The following CFAP47 variants were observed in gnomAD, a reference collection of about 807,000 sequenced individuals.
The protein encoded by CFAP47 is cilia- and flagella-associated protein 47.
A neutral mutation model predicts 148.1 loss-of-function variants in CFAP47; 29 were observed. That is an observed-to-expected ratio of 0.20 (90% CI 0.15 to 0.27). The LOEUF (loss-of-function observed/expected upper bound fraction) is 0.27. Ranked by LOEUF, CFAP47 falls within the 10% of genes least tolerant of loss-of-function variation. CFAP47 has a pLI of 1.00. For synonymous variants in CFAP47, 664 were observed against 577.3 expected (o/e 1.15, Z -2.15); for missense variants, 1,872 against 1,697.5 (o/e 1.10, Z -1.81).
At chrX:36,052,844 A>G (rs1403800489) in intron 26 of CFAP47, among the ~76,000 whole-genome samples, 1 of 112,536 alleles carries the variant, frequency 8.9e-6, no homozygotes, top group Non-Finnish European at 1.9e-5. Flanking sequence ...ATAATTTGGC[A>G]TTTGGGTAGA....
chrX:36,102,472 A>AT (rs1569259391), intron 32 of CFAP47, among the ~76,000 whole-genome samples: 1 of 111,801 alleles, frequency 8.9e-6, no homozygotes, highest in African/African-American at 3.3e-5. Context: ...AGAGAAAATT[A>AT]ATAAGTTTTT....
chrX:36,366,151 A>T (rs1035200835), intron 61 of CFAP47, among the ~76,000 whole-genome samples: 8 of 111,740 alleles, frequency 7.2e-5, no homozygotes, highest in African/African-American at 2.6e-4. Context: ...GAAGAGTAAG[A>T]GTTCCCAGAA....
intron 62 of CFAP47, chrX:36,375,251 A>G (rs1942011693): frequency 5.2e-6 from 1 of 193,504 alleles, no homozygotes; most frequent in Non-Finnish European, 9.7e-6. Flanking sequence ...TGGGAACAAG[A>G]TATTTTCTAA....
chrX:36,142,312 A>G (rs1276932828), intron 35 of CFAP47, among the ~76,000 whole-genome samples: 1 of 111,235 alleles, frequency 9.0e-6, no homozygotes, highest in Admixed American at 9.6e-5. Context: ...TCATAGCAGG[A>G]CTTGAATTAA....
intron 21 of CFAP47, among the ~76,000 whole-genome samples, chrX:36,014,017 A>T (rs1280915497): frequency 8.9e-6 from 1 of 112,112 alleles, no homozygotes; most frequent in Non-Finnish European, 1.9e-5. Context: ...TCTAATAATG[A>T]AGAAACTTGT....
In CFAP47 at chrX:35,951,912, G is replaced by T; in HGVS notation, c.995G>T (p.Gly332Val). The T allele has an allele frequency of 8.5e-7, 1 of 1,174,363 alleles. No homozygotes were observed. The part of the protein sequence containing the change: ...TIIISCLPNE[G>V]TLQPYQKTVI... ...ATTATCTCCTGTCTTCCTAATGAAGGGACTTTACAACCTTATCAAAAGACT... is the reference window on the plus strand; with the variant it reads ...ATTATCTCCTGTCTTCCTAATGAAGTGACTTTACAACCTTATCAAAAGACT... Residue 332 changes from glycine to valine, a missense_variant, in exon 6 of 64, where the codon GGG (glycine) becomes GTG (valine). Transcript: ENST00000378653.
intron 49 of CFAP47, among the ~76,000 whole-genome samples, chrX:36,258,999 G>A (rs146137663): frequency 1.2e-4 from 13 of 110,489 alleles, no homozygotes; most frequent in African/African-American, 3.7e-4. Flanking sequence ...CCTGAATGTC[G>A]GGTTTTTTTG....
At chrX:36,102,495 T>C (rs753295878) in intron 32 of CFAP47, among the ~76,000 whole-genome samples, 1 of 111,838 alleles carries the variant, frequency 8.9e-6, no homozygotes, top group South Asian at 3.7e-4. Context: ...TTACCACCGA[T>C]AATTTCAGAA....
chrX:36,115,512 T>C (rs1427365162), intron 33 of CFAP47, among the ~76,000 whole-genome samples: 1 of 111,416 alleles, frequency 9.0e-6, no homozygotes, highest in Non-Finnish European at 1.9e-5. Context: ...TGAGAAGTTA[T>C]TGTATTAAAA....
intron 49 of CFAP47, among the ~76,000 whole-genome samples, chrX:36,276,644 T>G (rs1267710284): frequency 8.9e-6 from 1 of 111,988 alleles, no homozygotes; most frequent in Admixed American, 9.5e-5. Flanking sequence ...TTTGGTAATT[T>G]ATGTTGCACA....
intron 57 of CFAP47, among the ~76,000 whole-genome samples, chrX:36,336,244 G>GACACACACAC (rs781925226): frequency 5.3e-4 from 35 of 65,682 alleles, no homozygotes; most frequent in Non-Finnish European, 8.2e-4. Flanking sequence ...CAGACACACA[G>GACACACACAC]ACACACACAC....
At chrX:36,371,751 T>A (rs1303023769) in intron 62 of CFAP47, among the ~76,000 whole-genome samples, 11 of 59,614 alleles carry the variant, frequency 1.8e-4, no homozygotes, top group Non-Finnish European at 3.2e-4. Flanking sequence ...TGTGTGTATA[T>A]ACACACATGT....
At chrX:36,258,777 C>A (rs1056959819) in intron 49 of CFAP47, among the ~76,000 whole-genome samples, 7 of 112,146 alleles carry the variant, frequency 6.2e-5, no homozygotes, top group Admixed American at 4.7e-4. Context: ...CCAGAGCATC[C>A]ATTTCTTTAT....
Position 36,014,923 on chromosome X carries a change from T to C in CFAP47, c.3556+11T>C. The C allele has an allele frequency of 3.4e-6, 1 of 293,144 alleles. No homozygotes were observed. Among genetic ancestry groups the C allele is most frequent in the Non-Finnish European group, 6.0e-6 (1 of 167,062 alleles). 24.2% of individuals were successfully genotyped at this position (293,144 alleles called of 1,213,427 possible). Reference sequence around the variant, plus strand: ...ACGTTCAAGCTACTGGTATGTAATATAAAATAATCAATTGGTGTGGGTAGG... The same window carrying C: ...ACGTTCAAGCTACTGGTATGTAATACAAAATAATCAATTGGTGTGGGTAGG... On this transcript the variant is annotated intron_variant, in intron 22 of 63. Transcript: ENST00000378653.
At position 36,236,924 on chromosome X, in the gene CFAP47, T is replaced by C. The variant is rs73629595; in HGVS notation, c.7332+65T>C. Reference sequence around the variant, plus strand: ...ATATAGTGAATCACATGAAATATAATAATTACAAACAATTTTTTAAACATT... The same window carrying C: ...ATATAGTGAATCACATGAAATATAACAATTACAAACAATTTTTTAAACATT... On this transcript the variant is annotated intron_variant, in intron 48 of 63. Transcript: ENST00000378653. 4.3e-3 allele frequency: 1,761 copies of C among 405,681 alleles called. 28 individuals are homozygous for C. Among genetic ancestry groups the C allele is most frequent in the African/African-American group, 0.039 (1,502 of 38,320 alleles). The allele number at this position is 405,681 out of a possible 1,213,427, so 33.4% of individuals were successfully genotyped here. A position where few individuals can be genotyped will look rare whatever the true frequency, so the allele number is the denominator to read the frequency against.
In CFAP47 at chrX:36,362,951, A is replaced by G. The variant is rs182060366; in HGVS notation, c.9023+1450A>G. On this transcript the variant is annotated intron_variant, in intron 61 of 63. Transcript: ENST00000378653. ...TTCACATTTTGCTTCATATGTATTA[A>G]TATAATGACATGGAAATTACAGCAA... Among the ~76,000 whole-genome samples, 26 of 111,591 alleles carry G rather than the reference A, an allele frequency of 2.3e-4. No homozygotes were observed. The Middle Eastern group carries it at 0.018, about 79-fold the overall frequency.
chrX:35,923,971 ATG>A (rs1178343992), intron 1 of CFAP47, among the ~76,000 whole-genome samples: 10 of 90,196 alleles, frequency 1.1e-4, no homozygotes, highest in African/African-American at 4.7e-4. Flanking sequence ...ATATATGTGT[ATG>A]TATGTGTATA....
intron 8 of CFAP47, among the ~76,000 whole-genome samples, chrX:35,962,529 T>C (rs1262301733): frequency 3.6e-5 from 4 of 111,376 alleles, no homozygotes; most frequent in Non-Finnish European, 7.6e-5. Flanking sequence ...TCCTGATGTC[T>C]TGACCCTTTT....
intron 26 of CFAP47, among the ~76,000 whole-genome samples, chrX:36,064,142 A>T (rs1937617002): frequency 1.8e-5 from 2 of 112,487 alleles, no homozygotes; most frequent in East Asian, 5.6e-4. Context: ...TTTAATCTAA[A>T]ATTATTGGTT....
Sources: allele counts gnomAD v4.1 joint callset (sites outside exome capture counted in the v4.1 genomes callset), GRCh38; gene constraint gnomAD v4.1.1; transcripts MANE v1.5; gene names NCBI Gene and HGNC (gene_info 2026-07-23, HGNC 2026-07-21).